The following GPR162 variants were observed in gnomAD, a reference collection of about 807,000 sequenced individuals.
GPR162 encodes the protein G protein-coupled receptor 162.
In GPR162, 26 loss-of-function variants were observed where a neutral mutation model predicts 44.9. That is an observed-to-expected ratio of 0.58 (90% CI 0.42 to 0.80). The LOEUF (loss-of-function observed/expected upper bound fraction) is 0.80. Among genes scored for constraint, GPR162 ranks in the 30% least tolerant of loss-of-function variants. GPR162 has a pLI of 0.00. For missense variants in GPR162, 704 were observed against 802.3 expected, an observed-to-expected ratio of 0.88 and a Z score of 1.48; for synonymous variants, 363 against 335.2, an observed-to-expected ratio of 1.08 and a Z score of -0.91.
chr12:6,824,841 C>T, intron 2 of GPR162, 76 bp downstream of exon 2: 1 of 1,124,378 alleles, frequency 8.9e-7, no homozygotes, highest in Non-Finnish European at 1.3e-6. Context: ...CCAACTTCAT[C>T]AGCCATACAG....
intron 1 of GPR162, 69 bp downstream of exon 1, chr12:6,821,969 C>T (rs1943286530): frequency 6.6e-6 from 1 of 152,318 alleles, no homozygotes; most frequent in South Asian, 2.1e-4. Context: ...CCTCCTCTCC[C>T]CTAGGCCGGC....
rs1555119728 is a variant in GPR162, at chr12:6,824,670, G to A, written c.772G>A (p.Asp258Asn). The A allele has an allele frequency of 6.2e-7, 1 of 1,614,038 alleles. No individual in the cohort carries two copies. Among genetic ancestry groups the A allele is most frequent in the South Asian group, 1.1e-5 (1 of 91,084 alleles). ...CCGAGGGAAGCGGCGGTCCTCGCTG[G>A]ATGGCTCGGAGTCTGCCAAGACATC... ...DARGKRRSSL[D>N]GSESAKTSLQ... is the part of the protein sequence containing the mutation. Residue 258 changes from aspartate (D) to asparagine (N), a missense_variant, in exon 2 of 5, where the codon GAT (aspartate) becomes AAT (asparagine). Transcript: ENST00000311268.
rs374564996 is a variant in GPR162, at chr12:6,825,685, G to C, written c.1057+12G>C. 2.3e-5 allele frequency: 35 copies of C among 1,555,062 alleles called. No individual in the cohort carries two copies. The highest frequency in any genetic ancestry group is 3.0e-5 in the Non-Finnish European group (34 of 1,147,898). On this transcript the variant is annotated intron_variant, in intron 3 of 4. Transcript: ENST00000311268. ...GGATGGAGATGACGGTCAGAGGAGG[G>C]GCTGGGCTTTGGCTTTCCTGGACAT...
chr12:6,822,137 CCTGTCCTTCACCTCCCTCTCT>C lies in GPR162; in HGVS notation c.-432+249_-432+269del, dbSNP rs1943289957. ...CCTTCCCACCTTCCTCTGATCTCTC[CCTGTCCTTCACCTCCCTCTCT>C]CTGTCCTTCACATCTTTCCTGCCTC... On this transcript the variant is annotated intron_variant, in intron 1 of 4. Coordinates refer to ENST00000311268, the MANE Select transcript of GPR162 (RefSeq NM_019858.2). This position sits in a 1 kb window ranked among gnomAD's most constrained non-coding sequence, Gnocchi z 4.2. Among the ~76,000 whole-genome samples the C allele has an allele frequency of 6.6e-6, 1 of 152,182 alleles. No homozygotes were observed.
rs782022580 is a variant in GPR162, at chr12:6,824,678, G to A, written c.780G>A (p.Ser260=). The change falls in exon 2 of 5, where the codon TCG becomes TCA. Residue 260 remains serine, a synonymous_variant. Transcript: ENST00000311268. ...AGCGGCGGTCCTCGCTGGATGGCTC[G>A]GAGTCTGCCAAGACATCCCTGCAGG... ...RGKRRSSLDG[S]ESAKTSLQVT... 41 of 1,613,894 alleles carry A rather than the reference G, an allele frequency of 2.5e-5. No individual in the cohort carries two copies. The highest frequency in any genetic ancestry group is 1.5e-4 in the African/African-American group (11 of 74,920).
Position 6,822,656 on chromosome 12 carries a change from C to A in GPR162, c.-432+756C>A, listed in dbSNP as rs11575108. ...GGGAGGAAGAGTCAAGGTCTCCCCA[C>A]GGGGAGTCAGCACCTTATTGAACAT... On this transcript the variant is annotated intron_variant, in intron 1 of 4. Coordinates refer to ENST00000311268, the MANE Select transcript of GPR162 (RefSeq NM_019858.2). This position sits in a 1 kb window ranked among gnomAD's most constrained non-coding sequence, Gnocchi z 4.2. Among the ~76,000 whole-genome samples, 57 of 152,018 alleles carry A rather than the reference C, an allele frequency of 3.7e-4. No individual in the cohort carries two copies. The highest frequency in any genetic ancestry group is 3.7e-3 in the Admixed American group (56 of 15,268).
rs967149808 is a variant in GPR162, at chr12:6,823,599, A to G, written c.-300A>G. The G allele has an allele frequency of 8.7e-6, 5 of 577,190 alleles. No homozygotes were observed. The highest frequency in any genetic ancestry group is 7.5e-5 in the African/African-American group (4 of 53,160). The allele number at this position is 577,190 out of a possible 1,614,324, so 35.8% of individuals were successfully genotyped here. ...ACCAGAACCCCCCAGCCAGCCTCAT[A>G]GTTGGGAAAGTAGCCAGCTTGCCTG... On this transcript the variant is annotated 5_prime_UTR_variant, in exon 2 of 5. The change creates a new upstream start codon in the 5' untranslated region. Transcript: ENST00000311268.
chr12:6,823,662 C>A lies in GPR162; in HGVS notation c.-237C>A. On this transcript the variant is annotated 5_prime_UTR_variant, in exon 2 of 5. Coordinates refer to ENST00000311268, the MANE Select transcript of GPR162 (RefSeq NM_019858.2). ...CAGGGATGCTTAAGGAAGGCCCCGC[C>A]CAGTATGAAAGCTGAGGATTGCCTC... 8.7e-7 allele frequency: 1 copy of A among 1,154,784 alleles called. No individual in the cohort carries two copies. The highest frequency in any genetic ancestry group is 1.3e-6 in the Non-Finnish European group (1 of 794,174). The allele number at this position is 1,154,784 out of a possible 1,614,324, so 71.5% of individuals were successfully genotyped here.
At position 6,826,204 on chromosome 12, in the gene GPR162, T is replaced by C. The variant is rs1943352483; in HGVS notation, c.1066T>C (p.Cys356Arg). The C allele has an allele frequency of 6.2e-7, 1 of 1,613,520 alleles. No homozygotes were observed. Among genetic ancestry groups the C allele is most frequent in the Non-Finnish European group, 8.5e-7 (1 of 1,179,718 alleles). Reference sequence around the variant, plus strand: ...CCCATTTTCTCTCCTAGATGGGGGCTGTGACGACTATGCAGAGGGCCGAGT... The same window carrying C: ...CCCATTTTCTCTCCTAGATGGGGGCCGTGACGACTATGCAGAGGGCCGAGT... ...SEEDGDDDGGCDDYAEGRVCK... is the reference protein window; with the variant it reads ...SEEDGDDDGGRDDYAEGRVCK... Residue 356 changes from cysteine to arginine, a missense_variant, in exon 4 of 5, where the codon TGT becomes CGT. By Grantham distance (180) the Cys-to-Arg change is radical. Around this residue, in one of 6 missense-constraint regions of GPR162, gnomAD observed 404 missense variants for 314.1 expected, o/e 1.29. Coordinates refer to ENST00000311268, the MANE Select transcript of GPR162 (RefSeq NM_019858.2).
intron 2 of GPR162, 22 bp downstream of exon 2, chr12:6,824,787 C>T: frequency 6.3e-7 from 1 of 1,593,614 alleles, no homozygotes; most frequent in Non-Finnish European, 8.6e-7. Context: ...GTCCTCCCCA[C>T]CTGTTCTCCC....
Position 6,825,559 on chromosome 12 carries a change from G to A in GPR162, c.943G>A (p.Ala315Thr), listed in dbSNP as rs1943343251. The A allele has an allele frequency of 1.2e-6, 2 of 1,610,438 alleles. No individual in the cohort carries two copies. The highest frequency in any genetic ancestry group is 1.7e-6 in the Non-Finnish European group (2 of 1,178,504). ...GCTGGCTGTGCTGTGGTGCTCCATG[G>A]CACAGACGCTGCTGCTGCCCTCCTT... ...MVLAVLWCSM[A>T]QTLLLPSFIW... is the part of the protein sequence containing the mutation. The change falls in exon 3 of 5, where the codon GCA (alanine) becomes ACA (threonine). Residue 315 changes from alanine (A) to threonine (T), a missense_variant. Ala to Thr is a moderately conservative substitution (Grantham distance 58). This residue lies in a region of GPR162 where 92 missense variants were observed against 156.5 expected (regional missense o/e 0.59). Coordinates refer to ENST00000311268, the MANE Select transcript of GPR162 (RefSeq NM_019858.2).
Position 6,827,117 on chromosome 12 carries a change from C to G in GPR162, c.1680C>G (p.Cys560Trp). The part of the protein sequence containing the change: ...LPLGLSAGRR[C>W]SLTGGEESAR... The stretch of plus-strand genomic sequence containing the variant: ...TGGGACTAAGCGCAGGGAGACGCTG[C>G]TCCCTGACGGGGGGTGAAGAAAGTG... Residue 560 changes from cysteine (C) to tryptophan (W), a missense_variant, in exon 5 of 5, where the codon TGC becomes TGG. Physicochemically the swap from Cys to Trp is radical, Grantham distance 215 (BLOSUM62 -2). This residue lies in a region of GPR162 where 404 missense variants were observed against 314.1 expected (regional missense o/e 1.29). Coordinates refer to ENST00000311268, the MANE Select transcript of GPR162 (RefSeq NM_019858.2). 1 of 1,613,044 alleles carries G rather than the reference C, an allele frequency of 6.2e-7. No homozygotes were observed. Among genetic ancestry groups the G allele is most frequent in the Non-Finnish European group, 8.5e-7 (1 of 1,179,708 alleles).
At chr12:6,825,266 C>A in intron 2 of GPR162, 1 of 592,846 alleles carries the variant, frequency 1.7e-6, no homozygotes, top group African/African-American at 1.9e-5. Flanking sequence ...CCTCTCCCTC[C>A]TGACCGCAGG....
rs1249435681 is a variant in GPR162, at chr12:6,824,172, G to A, written c.274G>A (p.Val92Ile). 6.2e-7 allele frequency: 1 copy of A among 1,613,818 alleles called. No homozygotes were observed. The highest frequency in any genetic ancestry group is 8.5e-7 in the Non-Finnish European group (1 of 1,180,010). The change falls in exon 2 of 5, where the codon GTC becomes ATC. Residue 92 changes from valine to isoleucine, a missense_variant. By Grantham distance (29) the Val-to-Ile change is conservative. Around this residue, in one of 6 missense-constraint regions of GPR162, gnomAD observed 110 missense variants for 206.2 expected, o/e 0.53. Transcript: ENST00000311268. ...TGACTGGAACGAGAGTATCTGCAAGGTCTTCGTGTCCACCTACTACACCCT... is the reference window on the plus strand; with the variant it reads ...TGACTGGAACGAGAGTATCTGCAAGATCTTCGTGTCCACCTACTACACCCT... ...DYDWNESICKVFVSTYYTLAL... is the reference protein window; with the variant it reads ...DYDWNESICKIFVSTYYTLAL...
At chr12:6,825,815 A>G (rs1214487831) in intron 3 of GPR162, 142 bp downstream of exon 3, 10 of 698,380 alleles carry the variant, frequency 1.4e-5, no homozygotes, top group African/African-American at 3.6e-5. Context: ...CCCTTTCCCT[A>G]AGCAGGCACC....
In GPR162 at chr12:6,823,717, C is replaced by G; in HGVS notation, c.-182C>G. 1.2e-6 allele frequency: 2 copies of G among 1,603,076 alleles called. No individual in the cohort carries two copies. Among genetic ancestry groups the G allele is most frequent in the Non-Finnish European group, 1.7e-6 (2 of 1,171,386 alleles). On this transcript the variant is annotated 5_prime_UTR_variant, in exon 2 of 5. Coordinates refer to ENST00000311268, the MANE Select transcript of GPR162 (RefSeq NM_019858.2). ...GACCCTCAGTCTCCTCCCCTGCCCT[C>G]TACATCTGCCCTCAGCTGGGTCCAT...
At position 6,823,655 on chromosome 12, in the gene GPR162, GC is replaced by G; in HGVS notation, c.-240del. The stretch of plus-strand genomic sequence containing the variant: ...TCAATTGCAGGGATGCTTAAGGAAG[GC>G]CCCGCCCAGTATGAAAGCTGAGGAT... On this transcript the variant is annotated 5_prime_UTR_variant, in exon 2 of 5. It removes the in-frame stop codon of an upstream open reading frame in the 5' UTR. Transcript: ENST00000311268. The G allele has an allele frequency of 1.9e-6, 2 of 1,065,654 alleles. No homozygotes were observed. Among genetic ancestry groups the G allele is most frequent in the Non-Finnish European group, 1.4e-6 (1 of 719,858 alleles). 66.0% of individuals were successfully genotyped at this position (1,065,654 alleles called of 1,614,324 possible). A position where few individuals can be genotyped will look rare whatever the true frequency, so the allele number is the denominator to read the frequency against.
At chr12:6,826,600 C>A in intron 4 of GPR162, 53 bp from the exon 5 acceptor site, 1 of 1,457,716 alleles carries the variant, frequency 6.9e-7, no homozygotes, top group South Asian at 1.4e-5. Flanking sequence ...TTGGTTCCTG[C>A]CTCTGCCTCT....
rs1457517841 is a variant in GPR162 at position 6,824,128 on chromosome 12, G to A, written c.230G>A (p.Arg77His). The A allele has an allele frequency of 5.6e-6, 9 of 1,613,838 alleles. No individual in the cohort carries two copies. The highest frequency in any genetic ancestry group is 2.2e-5 in the East Asian group (1 of 44,904). The stretch of plus-strand genomic sequence containing the variant: ...ACCTTTGCCGTGGTGCAGCTGCGTC[G>A]TCAGGCTTCCTCCGACTATGACTGG... ...LTTFAVVQLR[R>H]QASSDYDWNE... Residue 77 changes from arginine to histidine, a missense_variant, in exon 2 of 5, where the codon CGT (arginine) becomes CAT (histidine). Physicochemically the swap from Arg to His is conservative, Grantham distance 29. Transcript: ENST00000311268.
Sources: allele counts gnomAD v4.1 joint callset (sites outside exome capture counted in the v4.1 genomes callset), GRCh38; gene constraint gnomAD v4.1.1; regional missense constraint gnomAD v4.1.1; non-coding constraint Gnocchi (gnomAD v3.1); transcripts MANE v1.5; gene names NCBI Gene and HGNC (gene_info 2026-07-23, HGNC 2026-07-21).